NDUFA10: variants seen among roughly 807,000 people sequenced by gnomAD.
NDUFA10 encodes NADH:ubiquinone oxidoreductase subunit A10.
In NDUFA10, 40 loss-of-function variants were observed where a neutral mutation model predicts 47.8. The ratio of observed to expected loss-of-function variants is 0.84; its 90% CI spans 0.65 to 1.09. The LOEUF (loss-of-function observed/expected upper bound fraction) is 1.09, where lower values mean the gene tolerates loss of function less well. NDUFA10 is among the 50% of genes least tolerant of loss of function. NDUFA10 has a pLI of 0.00. For missense variants in NDUFA10, 413 were observed against 451.1 expected (o/e 0.92, Z 0.76); for synonymous variants, 183 against 172.2 (o/e 1.06, Z -0.49).
chr2:239,966,450 C>A (rs1368264635), intron 9 of NDUFA10, among the ~76,000 whole-genome samples: 1 of 152,142 alleles, frequency 6.6e-6, no homozygotes, highest in African/African-American at 2.4e-5. Flanking sequence ...TGTGGCCCAG[C>A]CTGTTTGGGA....
chr2:239,921,185 G>T (rs1363861581), intron 4 of NDUFA10, among the ~76,000 whole-genome samples: 1 of 152,070 alleles, frequency 6.6e-6, no homozygotes, highest in Non-Finnish European at 1.5e-5. Flanking sequence ...CGTGTAGGTA[G>T]GCGAGTGAGC....
At chr2:240,014,905 A>C in intron 4 of NDUFA10, 45 bp from the exon 5 acceptor site, 2 of 1,613,478 alleles carry the variant, frequency 1.2e-6, no homozygotes, top group Non-Finnish European at 1.7e-6. Context: ...CAGTCCCCAC[A>C]CGGGTTTCCA....
chr2:239,931,576 G>C (rs545781344), intron 4 of NDUFA10, among the ~76,000 whole-genome samples: 1 of 152,234 alleles, frequency 6.6e-6, no homozygotes, highest in Non-Finnish European at 1.5e-5. Flanking sequence ...GTCTCCACCT[G>C]CACTGTGCCC....
At chr2:239,932,817 G>A (rs1267293731) in intron 4 of NDUFA10, among the ~76,000 whole-genome samples, 6 of 152,106 alleles carry the variant, frequency 3.9e-5, no homozygotes, top group African/African-American at 7.2e-5. Context: ...TCCTGACCTC[G>A]TGATCCACCC....
chr2:239,944,747 C>T (rs573245255), intron 4 of NDUFA10, among the ~76,000 whole-genome samples: 5 of 152,280 alleles, frequency 3.3e-5, no homozygotes, highest in South Asian at 4.1e-4. Context: ...TCTGCTCGCT[C>T]GTTAGCCAGG....
rs1357546782 is a variant in NDUFA10 at position 240,021,427 on chromosome 2, A to G, written c.245-15T>C. ...GTGCTTGAAGCCTGAAAAGAGAAAC[A>G]GTCGGATGCAGTCTGATGCACATCA... On this transcript the variant is annotated splice_polypyrimidine_tract_variant and intron_variant, in intron 2 of 9. Transcript: ENST00000252711. 5.0e-6 allele frequency: 8 copies of G among 1,608,472 alleles called. No individual in the cohort carries two copies. In the African/African-American group the frequency reaches 1.1e-4, roughly 21 times the overall value.
chr2:239,925,413 T>G (rs982638158), intron 4 of NDUFA10, among the ~76,000 whole-genome samples: 1 of 152,184 alleles, frequency 6.6e-6, no homozygotes, highest in Non-Finnish European at 1.5e-5. Flanking sequence ...GCAAAAGCAA[T>G]TCAATGGGGA....
At chr2:239,963,509 G>A (rs574617201) in intron 9 of NDUFA10, among the ~76,000 whole-genome samples, 1 of 152,372 alleles carries the variant, frequency 6.6e-6, no homozygotes, top group African/African-American at 2.4e-5. Flanking sequence ...AGACCGGGGA[G>A]CAGTGACGGG....
rs750076568 is a variant in NDUFA10, at chr2:240,022,249, C to T, written c.167G>A (p.Arg56His). ...GCCATCTACAGTTATCACTCTGCTG[C>T]GTTCTGTCAGTCTTTTGCTTGCTTT... The part of the protein sequence containing the change: ...GDKASKRLTE[R>H]SRVITVDGNI... The change falls in exon 2 of 10, where the codon CGC (arginine) becomes CAC (histidine). Residue 56 changes from arginine (R) to histidine (H), a missense_variant. Transcript: ENST00000252711. The T allele has an allele frequency of 6.8e-6, 11 of 1,614,048 alleles. No homozygotes were observed. The highest frequency in any genetic ancestry group is 2.2e-5 in the South Asian group (2 of 91,084).
At chr2:239,912,200 C>T (rs1015024899) in intron 4 of NDUFA10, among the ~76,000 whole-genome samples, 1 of 152,162 alleles carries the variant, frequency 6.6e-6, no homozygotes, top group South Asian at 2.1e-4. Context: ...TTTGCACCCC[C>T]CTCTGGTCCT....
intron 3 of NDUFA10, 32 bp downstream of exon 3, chr2:240,021,165 A>C (rs778351552): frequency 6.4e-7 from 1 of 1,574,180 alleles, no homozygotes. Flanking sequence ...GTTCAAGTAC[A>C]GAACAGATCT....
At chr2:240,014,083 C>CA (rs35758918) in intron 5 of NDUFA10, 59,281 of 140,244 alleles carry the variant, frequency 0.42, 13,193 homozygotes, top group East Asian at 0.54. Flanking sequence ...GACTCTGTCT[C>CA]AAAAAAAAAA....
In NDUFA10 at chr2:239,959,670, G is replaced by A. The variant is rs1200743153; in HGVS notation, c.*1448C>T. The A allele has an allele frequency of 3.2e-6, 3 of 937,112 alleles. No individual in the cohort carries two copies. The highest frequency in any genetic ancestry group is 3.8e-5 in the African/African-American group (2 of 52,368). 58.0% of individuals were successfully genotyped at this position (937,112 alleles called of 1,614,324 possible). A position where few individuals can be genotyped will look rare whatever the true frequency, so the allele number is the denominator to read the frequency against. ...GGGAGGAAAACAAGGACAGACGGAA[G>A]GAAGGAAGGAAGAGAAGGAGGGAAG... is the stretch of plus-strand genomic sequence containing the variant. On this transcript the variant is annotated 3_prime_UTR_variant, in exon 10 of 10. Coordinates refer to ENST00000252711, the MANE Select transcript of NDUFA10 (RefSeq NM_004544.4).
rs545981322 is a variant in NDUFA10 at position 239,983,709 on chromosome 2, A to G, written c.999+6365T>C. On this transcript the variant is annotated intron_variant, in intron 9 of 9. Coordinates refer to ENST00000252711, the MANE Select transcript of NDUFA10 (RefSeq NM_004544.4). The stretch of plus-strand genomic sequence containing the variant: ...ATTCCTCCCCAAAACACACAGTCCA[A>G]TCTAATCGCTAGAGAAACATCGGGC... The G allele has an allele frequency of 3.5e-4, 545 of 1,568,544 alleles. 3 individuals carry two copies. Among genetic ancestry groups the G allele is most frequent in the South Asian group, 6.7e-4 (57 of 85,168 alleles).
chr2:239,988,424 C>T (rs1393779649), intron 9 of NDUFA10, among the ~76,000 whole-genome samples: 2 of 152,132 alleles, frequency 1.3e-5, no homozygotes, highest in Non-Finnish European at 2.9e-5. Flanking sequence ...CACAAATCCA[C>T]AAAGAGTGGC....
At chr2:239,954,946 T>C (rs1281424075), downstream of NDUFA10, among the ~76,000 whole-genome samples, 1 of 152,208 alleles carries the variant, frequency 6.6e-6, no homozygotes, top group Non-Finnish European at 1.5e-5. Context: ...GGTGGTTCCT[T>C]TCGCCTGCTG....
At chr2:239,924,052 CTTTAA>C (rs546770437) in intron 4 of NDUFA10, among the ~76,000 whole-genome samples, 97 of 152,180 alleles carry the variant, frequency 6.4e-4, no homozygotes, top group African/African-American at 2.2e-3. Context: ...TGCATTTAAT[CTTTAA>C]TTTAAAAGCT....
intron 4 of NDUFA10, among the ~76,000 whole-genome samples, chr2:239,942,458 G>C (rs1694374715): frequency 6.6e-6 from 1 of 152,218 alleles, no homozygotes; most frequent in Admixed American, 6.5e-5. Flanking sequence ...GTCGTTTGTT[G>C]CTGTTTGAAA....
chr2:239,961,755 A>T (rs573540863), intron 9 of NDUFA10, among the ~76,000 whole-genome samples: 1 of 152,334 alleles, frequency 6.6e-6, no homozygotes, highest in East Asian at 1.9e-4. Flanking sequence ...AGGAGGGGGA[A>T]GCACTGCAGG....
Sources: allele counts gnomAD v4.1 joint callset (sites outside exome capture counted in the v4.1 genomes callset), GRCh38; gene constraint gnomAD v4.1.1; transcripts MANE v1.5; gene names NCBI Gene and HGNC (gene_info 2026-07-23, HGNC 2026-07-21).